Variants in VAV2 observed in about 807,000 individuals in gnomAD.
The protein encoded by VAV2 is vav guanine nucleotide exchange factor 2, also known as guanine nucleotide exchange factor VAV2.
VAV2 carries 67 observed loss-of-function variants against 132.5 expected under a neutral mutation model. The ratio of observed to expected loss-of-function variants is 0.51; its 90% CI spans 0.42 to 0.62. VAV2 has a LOEUF of 0.62. Ranked by LOEUF, VAV2 falls within the 20% of genes least tolerant of loss-of-function variation. The pLI is 0.00. For synonymous variants in VAV2, 492 were observed against 443.5 expected (o/e 1.11, Z -1.37); for missense variants, 938 against 1,153.6 (o/e 0.81, Z 2.71).
chr9:133,941,618 G>T (rs1224895275), intron 1 of VAV2, among the ~76,000 whole-genome samples: 3 of 108,306 alleles, frequency 2.8e-5, no homozygotes, highest in South Asian at 3.4e-4. Flanking sequence ...TGGGGGGGGG[G>T]GGGGACGGAA....
chr9:133,847,320 G>A (rs977104327), intron 3 of VAV2, among the ~76,000 whole-genome samples: 5 of 152,210 alleles, frequency 3.3e-5, no homozygotes, highest in Non-Finnish European at 7.3e-5. Context: ...GGACCCCGCA[G>A]CCACCAACCC....
intron 19 of VAV2, 23 bp downstream of exon 19, chr9:133,783,480 G>A (rs747403428): frequency 2.6e-6 from 4 of 1,517,514 alleles, no homozygotes; most frequent in South Asian, 1.1e-5. Context: ...GGACTGGGGT[G>A]GGGGGGTGAG....
Position 133,788,917 on chromosome 9 carries a change from G to A in VAV2, c.1274+341C>T, listed in dbSNP as rs1245768250. 6.6e-6 allele frequency among the ~76,000 whole-genome samples: 1 copy of A among 152,218 alleles called. No individual in the cohort carries two copies. The highest frequency in any genetic ancestry group is 1.5e-5 in the Non-Finnish European group (1 of 68,038). On this transcript the variant is annotated intron_variant, in intron 14 of 29. Coordinates refer to ENST00000371850, the MANE Select transcript of VAV2 (RefSeq NM_001134398.2). The surrounding 1 kb of genome is among the most constrained non-coding windows in gnomAD (Gnocchi z 5.3). ...ACAAGCCTGGGCCACCGTGCGCCTG[G>A]ACACTCTCCGGCAGTCATTTGGCAA...
At chr9:133,972,966 T>C (rs537086997) in intron 1 of VAV2, among the ~76,000 whole-genome samples, 1 of 152,138 alleles carries the variant, frequency 6.6e-6, no homozygotes, top group African/African-American at 2.4e-5. Flanking sequence ...ACTTTGAAGA[T>C]GCTAAGGGAA....
Position 133,797,721 on chromosome 9 carries a change from G to C in VAV2, c.925C>G (p.Gln309Glu). ...CTGGCAGGACTTACCTCGACTTTCT[G>C]CCTGAAGTCCTCCCGGCTGGCCAGG... Reference protein sequence around the residue: ...QLLASREDFRQKVEECTLKVQ... With the variant: ...QLLASREDFREKVEECTLKVQ... The change falls in exon 10 of 30, where the codon CAG becomes GAG. Residue 309 changes from glutamine to glutamate, a missense_variant. Physicochemically the swap from Gln to Glu is conservative, Grantham distance 29. Coordinates refer to ENST00000371850, the MANE Select transcript of VAV2 (RefSeq NM_001134398.2). 1.2e-6 allele frequency: 2 copies of C among 1,613,906 alleles called. No homozygotes were observed. Among genetic ancestry groups the C allele is most frequent in the Non-Finnish European group, 1.7e-6 (2 of 1,179,930 alleles).
intron 9 of VAV2, among the ~76,000 whole-genome samples, chr9:133,803,241 G>C (rs771199466): frequency 7.9e-5 from 12 of 152,158 alleles, no homozygotes; most frequent in African/African-American, 1.4e-4. Context: ...CCTTCGTCTC[G>C]TTCTGTTCTG....
chr9:133,902,159 C>T (rs1025698912), intron 2 of VAV2, among the ~76,000 whole-genome samples: 58 of 152,126 alleles, frequency 3.8e-4, no homozygotes, highest in African/African-American at 1.3e-3. Context: ...TCAGCTCCCC[C>T]TGCAATTGGC....
intron 2 of VAV2, among the ~76,000 whole-genome samples, chr9:133,933,894 A>ATGGATGGGTGGATGGG (rs1840795051): frequency 2.9e-5 from 4 of 136,218 alleles, no homozygotes; most frequent in Non-Finnish European, 6.3e-5. Flanking sequence ...TGATGGATGG[A>ATGGATGGGTGGATGGG]TGGATGGGTG....
At chr9:133,975,651 A>G (rs961575319) in intron 1 of VAV2, among the ~76,000 whole-genome samples, 1 of 152,230 alleles carries the variant, frequency 6.6e-6, no homozygotes, top group African/African-American at 2.4e-5. Context: ...CTGAGCCCCC[A>G]GCCTGCCTGG....
intron 2 of VAV2, among the ~76,000 whole-genome samples, chr9:133,910,999 G>A (rs894931852): frequency 2.6e-5 from 4 of 152,116 alleles, no homozygotes; most frequent in Non-Finnish European, 5.9e-5. Context: ...AGCCAGAGAT[G>A]AAGCTACAGC....
At chr9:133,835,781 G>A (rs570558039) in intron 3 of VAV2, among the ~76,000 whole-genome samples, 14 of 152,210 alleles carry the variant, frequency 9.2e-5, no homozygotes, top group Non-Finnish European at 1.5e-4. Flanking sequence ...GGGCAGGGGG[G>A]AGTCCGCTGA....
intron 17 of VAV2, 62 bp downstream of exon 17, chr9:133,785,714 G>C: frequency 6.6e-7 from 1 of 1,510,242 alleles, no homozygotes; most frequent in Non-Finnish European, 9.1e-7. Flanking sequence ...AATCCACCTG[G>C]GCTTCCACCC....
chr9:133,806,436 C>T (rs1835147695), intron 8 of VAV2, among the ~76,000 whole-genome samples: 1 of 152,212 alleles, frequency 6.6e-6, no homozygotes, highest in Non-Finnish European at 1.5e-5. Context: ...ATCAGACACG[C>T]AGCGGCCGAC....
rs554318607 is a variant in VAV2 at position 133,833,676 on chromosome 9, G to C, written c.449+596C>G. 6.6e-6 allele frequency among the ~76,000 whole-genome samples: 1 copy of C among 152,128 alleles called. No homozygotes were observed. The highest frequency in any genetic ancestry group is 1.9e-4 in the East Asian group (1 of 5,176). ...TCCCACCCTGGTCACAGATTCCCAC[G>C]GTCCCGATGGGGCCCTGGTGCTGTG... On this transcript the variant is annotated intron_variant, in intron 4 of 29. Transcript: ENST00000371850. The surrounding 1 kb of genome is among the most constrained non-coding windows in gnomAD (Gnocchi z 5.6).
At chr9:133,924,959 C>A (rs1026548693) in intron 2 of VAV2, among the ~76,000 whole-genome samples, 1 of 152,154 alleles carries the variant, frequency 6.6e-6, no homozygotes, top group Non-Finnish European at 1.5e-5. Context: ...TGCAAGAAGC[C>A]GACGCTAAAG....
chr9:133,874,491 C>A (rs1334168042), intron 2 of VAV2, among the ~76,000 whole-genome samples: 1 of 152,192 alleles, frequency 6.6e-6, no homozygotes, highest in Non-Finnish European at 1.5e-5. Context: ...GAGGCAAGGC[C>A]GGAGACCATG....
chr9:133,901,559 C>A (rs577997136), intron 2 of VAV2, among the ~76,000 whole-genome samples: 1 of 152,368 alleles, frequency 6.6e-6, no homozygotes, highest in Admixed American at 6.5e-5. Flanking sequence ...AAAAGTCCAA[C>A]TACCTTGCCA....
chr9:133,992,282 G>A lies in VAV2; in HGVS notation c.-4C>T. 1 of 1,535,350 alleles carries A rather than the reference G, an allele frequency of 6.5e-7. No homozygotes were observed. The highest frequency in any genetic ancestry group is 2.6e-5 in the East Asian group (1 of 38,990). On this transcript the variant is annotated 5_prime_UTR_variant, in exon 1 of 30. Transcript: ENST00000371850. This position sits in a 1 kb window ranked among gnomAD's most constrained non-coding sequence, Gnocchi z 5.5. ...CGCACTGCCGCCACTGCTCCATGGC[G>A]CCCGCGGGCCCGACCGGCTCAGGGC...
At chr9:133,959,954 C>T (rs1841912757) in intron 1 of VAV2, among the ~76,000 whole-genome samples, 3 of 152,208 alleles carry the variant, frequency 2.0e-5, no homozygotes, top group African/African-American at 7.2e-5. Context: ...GGAGAATGCA[C>T]GTTTGTTGTC....
Sources: gnomAD v4.1 joint callset for allele counts (sites outside exome capture counted in the v4.1 genomes callset) on GRCh38, gnomAD v4.1.1 for gene constraint, Gnocchi (gnomAD v3.1) non-coding constraint, MANE v1.5 for transcripts, NCBI Gene and HGNC (gene_info 2026-07-23, HGNC 2026-07-21) for gene names.